PTPRG: variants seen among roughly 807,000 people sequenced by gnomAD.
The protein encoded by PTPRG is protein tyrosine phosphatase receptor type G.
A neutral mutation model predicts 165.3 loss-of-function variants in PTPRG; 102 were observed. The ratio of observed to expected loss-of-function variants is 0.62; its 90% CI spans 0.53 to 0.73. The LOEUF is 0.73. Among genes scored for constraint, PTPRG ranks in the 30% least tolerant of loss-of-function variants. The pLI, the probability that PTPRG is intolerant of heterozygous loss-of-function variation, is 0.00. For synonymous variants in PTPRG, 675 were observed against 669.5 expected, an observed-to-expected ratio of 1.01 and a Z score of -0.13; for missense variants, 1,866 against 1,861.4, an observed-to-expected ratio of 1.00 and a Z score of -0.05.
At chr3:62,292,352 G>T in intron 28 of PTPRG, 69 bp from the exon 29 acceptor site, 1 of 1,485,794 alleles carries the variant, frequency 6.7e-7, no homozygotes. Context: ...ATACATGACA[G>T]TAATTTCATT....
intron 6 of PTPRG, among the ~76,000 whole-genome samples, chr3:62,155,923 G>A (rs939696793): frequency 2.0e-5 from 3 of 152,112 alleles, no homozygotes; most frequent in East Asian, 1.9e-4. Flanking sequence ...AAGGAGCTAA[G>A]GGACCCCATG....
chr3:61,654,965 T>TA (rs1702469501), intron 1 of PTPRG, among the ~76,000 whole-genome samples: 1 of 151,646 alleles, frequency 6.6e-6, no homozygotes, highest in East Asian at 2.0e-4. Flanking sequence ...TATTTTTTTT[T>TA]TAGTAGAGAC....
At chr3:61,715,245 G>C (rs2031754568) in intron 1 of PTPRG, among the ~76,000 whole-genome samples, 1 of 148,092 alleles carries the variant, frequency 6.8e-6, no homozygotes, top group African/African-American at 2.5e-5. Flanking sequence ...AGTCAGGGTT[G>C]TCCTGTCTTT....
At chr3:61,637,093 G>A (rs138952936) in intron 1 of PTPRG, among the ~76,000 whole-genome samples, 2 of 152,292 alleles carry the variant, frequency 1.3e-5, no homozygotes, top group African/African-American at 4.8e-5. Flanking sequence ...TCTTCTCTTA[G>A]CCATTGTTCT....
chr3:61,989,597 G>A (rs957368440), intron 2 of PTPRG, 28 bp from the exon 3 acceptor site: 1 of 1,605,946 alleles, frequency 6.2e-7, no homozygotes, highest in Middle Eastern at 1.7e-4. Context: ...TGAACCATGA[G>A]GATTGAAGTG....
chr3:62,091,220 G>A (rs1701917333), intron 5 of PTPRG, among the ~76,000 whole-genome samples: 1 of 152,186 alleles, frequency 6.6e-6, no homozygotes, highest in African/African-American at 2.4e-5. Flanking sequence ...CTTGCATGTT[G>A]TTGGAGGGTG....
At chr3:62,056,967 T>G (rs1700655138) in intron 4 of PTPRG, among the ~76,000 whole-genome samples, 1 of 152,180 alleles carries the variant, frequency 6.6e-6, no homozygotes, top group Non-Finnish European at 1.5e-5. Context: ...GCATTATGCA[T>G]GCTGTCTGCA....
intron 2 of PTPRG, among the ~76,000 whole-genome samples, chr3:61,981,727 G>C (rs565846516): frequency 6.6e-6 from 1 of 152,140 alleles, no homozygotes; most frequent in African/African-American, 2.4e-5. Flanking sequence ...GACGTGCTCC[G>C]ATTGAATTTA....
At chr3:61,856,345 T>G (rs2037105553) in intron 2 of PTPRG, among the ~76,000 whole-genome samples, 1 of 152,056 alleles carries the variant, frequency 6.6e-6, no homozygotes, top group Admixed American at 6.5e-5. Flanking sequence ...CTGATCTACT[T>G]TCTAAGACCA....
intron 4 of PTPRG, among the ~76,000 whole-genome samples, chr3:62,003,908 AAAGTTTT>A (rs2041232116): frequency 6.6e-6 from 1 of 152,196 alleles, no homozygotes; most frequent in Admixed American, 6.5e-5. Flanking sequence ...TCTTGGTAGC[AAAGTTTT>A]AAGTTTTTTT....
intron 1 of PTPRG, among the ~76,000 whole-genome samples, chr3:61,729,682 C>G (rs1281161998): frequency 1.3e-5 from 2 of 152,120 alleles, no homozygotes; most frequent in African/African-American, 4.8e-5. Flanking sequence ...TAACAATTCA[C>G]CATGCATTTA....
intron 4 of PTPRG, among the ~76,000 whole-genome samples, chr3:62,051,051 G>A (rs569570307): frequency 3.9e-5 from 6 of 152,126 alleles, no homozygotes; most frequent in East Asian, 1.9e-4. Context: ...ACTAAGTGGC[G>A]GTCAAGTCAA....
At chr3:61,662,381 A>G (rs893584031) in intron 1 of PTPRG, among the ~76,000 whole-genome samples, 2 of 152,194 alleles carry the variant, frequency 1.3e-5, no homozygotes, top group Non-Finnish European at 2.9e-5. Context: ...GAGGCCTCCC[A>G]CTGATAGCCA....
chr3:61,979,489 TAG>T (rs1433977913), intron 2 of PTPRG, among the ~76,000 whole-genome samples: 1 of 152,168 alleles, frequency 6.6e-6, no homozygotes, highest in African/African-American at 2.4e-5. Context: ...GCTAACAAAA[TAG>T]AGAGTGGCTA....
chr3:62,236,061 T>A (rs1000541568), intron 14 of PTPRG, among the ~76,000 whole-genome samples: 2 of 152,186 alleles, frequency 1.3e-5, no homozygotes, highest in Non-Finnish European at 2.9e-5. Flanking sequence ...TTTGAGAAGA[T>A]CCCTTCCGGA....
At chr3:61,654,396 T>C (rs1702450556) in intron 1 of PTPRG, among the ~76,000 whole-genome samples, 1 of 152,090 alleles carries the variant, frequency 6.6e-6, no homozygotes, top group Admixed American at 6.5e-5. Context: ...TCTTTCTTTC[T>C]TTTTTTGAGA....
chr3:61,667,763 A>C (rs114943184), intron 1 of PTPRG, among the ~76,000 whole-genome samples: 1,913 of 151,600 alleles, frequency 0.013, 31 homozygotes, highest in African/African-American at 0.043. Flanking sequence ...ACATAGTGAG[A>C]CTTTGTCTCT....
chr3:61,997,351 A>G (rs534453686), intron 3 of PTPRG, among the ~76,000 whole-genome samples: 18 of 152,122 alleles, frequency 1.2e-4, no homozygotes, highest in Non-Finnish European at 1.8e-4. Flanking sequence ...TCTCAAGCAT[A>G]TCAAGGACTT....
At chr3:61,836,456 C>T (rs570408054) in intron 2 of PTPRG, among the ~76,000 whole-genome samples, 42 of 152,186 alleles carry the variant, frequency 2.8e-4, no homozygotes, top group Non-Finnish European at 4.3e-4. Flanking sequence ...ACTAGCCTTT[C>T]CTGTCTCCTG....
Sources: gnomAD v4.1 joint callset for allele counts (sites outside exome capture counted in the v4.1 genomes callset) on GRCh38, gnomAD v4.1.1 for gene constraint, MANE v1.5 for transcripts, NCBI Gene and HGNC (gene_info 2026-07-23, HGNC 2026-07-21) for gene names.